GAL3ST3: variants seen among roughly 807,000 people sequenced by gnomAD.
GAL3ST3 encodes the protein beta-galactose-3-O-sulfotransferase 3.
GAL3ST3 carries 21 observed loss-of-function variants against 20.8 expected under a neutral mutation model. The ratio of observed to expected loss-of-function variants is 1.01; its 90% CI spans 0.72 to 1.45. GAL3ST3 has a LOEUF of 1.45. GAL3ST3 is among the 40% of genes most tolerant of loss of function. The probability of loss-of-function intolerance (pLI) is 0.00; values close to 1 mark genes in which losing one functional copy is unlikely to be tolerated. For synonymous variants in GAL3ST3, 355 were observed against 307.2 expected, an observed-to-expected ratio of 1.16 and a Z score of -1.63; for missense variants, 739 against 662.7, an observed-to-expected ratio of 1.12 and a Z score of -1.26.
chr11:66,043,959 T>G (rs1856753755), intron 2 of GAL3ST3, among the ~76,000 whole-genome samples: 1 of 152,196 alleles, frequency 6.6e-6, no homozygotes, highest in Non-Finnish European at 1.5e-5. Flanking sequence ...ATGTCACTTC[T>G]TAAATTTCAT....
chr11:66,043,561 T>C lies in GAL3ST3; in HGVS notation c.242A>G (p.Asn81Ser). 6.2e-7 allele frequency: 1 copy of C among 1,612,146 alleles called. No individual in the cohort carries two copies. The highest frequency in any genetic ancestry group is 8.5e-7 in the Non-Finnish European group (1 of 1,179,910). The change falls in exon 3 of 3, where the codon AAC (asparagine) becomes AGC (serine). Residue 81 changes from asparagine to serine, a missense_variant. Asn to Ser is a conservative substitution (Grantham distance 46, BLOSUM62 1). Transcript: ENST00000312006. ...THKTAGTTVQ[N>S]ILFRFAERHN... ...GCGCTCGGCAAAGCGAAACAGGATG[T>C]TCTGCACCGTCGTGCCTGCCGTCTT...
Position 66,045,442 on chromosome 11 carries a change from C to G in GAL3ST3, c.-27G>C. 6.4e-7 allele frequency: 1 copy of G among 1,562,140 alleles called. No individual in the cohort carries two copies. The highest frequency in any genetic ancestry group is 8.7e-7 in the Non-Finnish European group (1 of 1,153,864). On this transcript the variant is annotated 5_prime_UTR_variant, in exon 2 of 3. Coordinates refer to ENST00000312006, the MANE Select transcript of GAL3ST3 (RefSeq NM_033036.3). ...GCGGAGTACCCACCCCTGGACCAGC[C>G]AGGGCCTCACTATCCAGGACTCCCT...
chr11:66,047,445 A>T (rs1856793256), intron 1 of GAL3ST3, among the ~76,000 whole-genome samples: 2 of 152,224 alleles, frequency 1.3e-5, no homozygotes, highest in South Asian at 4.1e-4. Flanking sequence ...GCACAGAGAG[A>T]GTGACAGGTG....
rs2135017129 is a variant in GAL3ST3, at chr11:66,042,310, A to G, written c.*197T>C. On this transcript the variant is annotated 3_prime_UTR_variant, in exon 3 of 3. Transcript: ENST00000312006. The stretch of plus-strand genomic sequence containing the variant: ...GGCCCAGCGCTGGATCCAGCCTATC[A>G]GCGCCGTGCCCGAAGGCAAGGTTCA... 3.8e-6 allele frequency: 2 copies of G among 530,206 alleles called. No homozygotes were observed. Among genetic ancestry groups the G allele is most frequent in the South Asian group, 5.6e-5 (2 of 35,412 alleles). 32.8% of individuals were successfully genotyped at this position (530,206 alleles called of 1,614,324 possible).
intron 1 of GAL3ST3, among the ~76,000 whole-genome samples, chr11:66,048,166 C>G (rs1396000835): frequency 6.6e-6 from 1 of 152,168 alleles, no homozygotes; most frequent in Non-Finnish European, 1.5e-5. Flanking sequence ...GGTGTCTTCT[C>G]CATAGAGAGA....
intron 2 of GAL3ST3, among the ~76,000 whole-genome samples, chr11:66,043,887 C>T (rs1856752997): frequency 6.6e-6 from 1 of 152,214 alleles, no homozygotes; most frequent in Non-Finnish European, 1.5e-5. Context: ...GTATTCCCCT[C>T]ACCTGAGTTA....
At position 66,045,392 on chromosome 11, in the gene GAL3ST3, C is replaced by G. The variant is rs771089294; in HGVS notation, c.24G>C (p.Leu8=). The part of the protein sequence containing the change: MPPILQR[L]QQATKMMSRR... ...GGCTCATCATCTTGGTGGCCTGCTG[C>G]AGGCGCTGGAGGATGGGTGGCATGG... The change falls in exon 2 of 3, where the codon CTG becomes CTC. Residue 8 remains leucine (L), a synonymous_variant. Transcript: ENST00000312006. 11 of 1,602,976 alleles carry G rather than the reference C, an allele frequency of 6.9e-6. No homozygotes were observed. The highest frequency in any genetic ancestry group is 1.3e-5 in the African/African-American group (1 of 74,464).
Position 66,042,764 on chromosome 11 carries a change from G to C in GAL3ST3, c.1039C>G (p.Gln347Glu). The C allele has an allele frequency of 7.9e-6, 12 of 1,522,040 alleles. No homozygotes were observed. The highest frequency in any genetic ancestry group is 1.1e-5 in the Non-Finnish European group (12 of 1,141,606). The allele number at this position is 1,522,040 out of a possible 1,614,324, so 94.3% of individuals were successfully genotyped here. ...GGCTGCAGCTGCTTGGTGCGGATCT[G>C]CGCGGCAGGCCGCAGCAGTGGCTCG... ...GDEPLLRPAA[Q>E]IRTKQLQPWQ... is the part of the protein sequence containing the mutation. The change falls in exon 3 of 3, where the codon CAG becomes GAG. Residue 347 changes from glutamine (Q) to glutamate (E), a missense_variant. By Grantham distance (29) the Gln-to-Glu change is conservative (BLOSUM62 2). Coordinates refer to ENST00000312006, the MANE Select transcript of GAL3ST3 (RefSeq NM_033036.3).
rs1315875839 is a variant in GAL3ST3, at chr11:66,042,766, G to A, written c.1037C>T (p.Ala346Val). ...CTGCAGCTGCTTGGTGCGGATCTGC[G>A]CGGCAGGCCGCAGCAGTGGCTCGTC... ...FGDEPLLRPAAQIRTKQLQPW... is the reference protein window; with the variant it reads ...FGDEPLLRPAVQIRTKQLQPW... Residue 346 changes from alanine to valine, a missense_variant, in exon 3 of 3, where the codon GCG (alanine) becomes GTG (valine). Ala to Val is a moderately conservative substitution (Grantham distance 64). Coordinates refer to ENST00000312006, the MANE Select transcript of GAL3ST3 (RefSeq NM_033036.3). The A allele has an allele frequency of 7.2e-6, 11 of 1,519,726 alleles. No homozygotes were observed. In the East Asian group the frequency reaches 2.5e-4, roughly 35 times the overall value. 94.1% of individuals were successfully genotyped at this position (1,519,726 alleles called of 1,614,324 possible). A position where few individuals can be genotyped will look rare whatever the true frequency, so the allele number is the denominator to read the frequency against.
In GAL3ST3 at chr11:66,043,451, GGT is replaced by G. The variant is rs1274244299; in HGVS notation, c.350_351del (p.His117ProfsTer97). The part of the protein sequence containing the change: ...YPRNFSAHFV[H>X]PATRPPHVLA... ...AGCACGTGCGGCGGCCGCGTGGCCG[GGT>G]GCACGAAGTGCGCCGAGAAGTTGCG... On this transcript the variant is annotated frameshift_variant, in exon 3 of 3. Transcript: ENST00000312006. LOFTEE classifies it high-confidence loss of function. 10 of 1,609,456 alleles carry G rather than the reference GGT, an allele frequency of 6.2e-6. No homozygotes were observed. In the African/African-American group the frequency reaches 1.3e-4, roughly 22 times the overall value.
At position 66,043,560 on chromosome 11, in the gene GAL3ST3, G is replaced by A. The variant is rs1278930320; in HGVS notation, c.243C>T (p.Asn81=). Residue 81 remains asparagine (N), a synonymous_variant, in exon 3 of 3, where the codon AAC becomes AAT. Coordinates refer to ENST00000312006, the MANE Select transcript of GAL3ST3 (RefSeq NM_033036.3). ...THKTAGTTVQ[N]ILFRFAERHN... ...GGCGCTCGGCAAAGCGAAACAGGAT[G>A]TTCTGCACCGTCGTGCCTGCCGTCT... is the stretch of plus-strand genomic sequence containing the variant. 3 of 1,612,110 alleles carry A rather than the reference G, an allele frequency of 1.9e-6. No homozygotes were observed. The highest frequency in any genetic ancestry group is 1.1e-5 in the South Asian group (1 of 91,086).
intron 1 of GAL3ST3, among the ~76,000 whole-genome samples, chr11:66,048,550 G>A (rs1056767156): frequency 9.9e-5 from 15 of 152,102 alleles, no homozygotes; most frequent in Non-Finnish European, 2.1e-4. Flanking sequence ...TGCTCCAGAG[G>A]AGGGGCGAAG....
At chr11:66,043,992 A>C (rs1014487626) in intron 2 of GAL3ST3, among the ~76,000 whole-genome samples, 1 of 152,202 alleles carries the variant, frequency 6.6e-6, no homozygotes, top group African/African-American at 2.4e-5. Flanking sequence ...GTGGCTGGCT[A>C]GTATCTTGGT....
At position 66,041,716 on chromosome 11, in the gene GAL3ST3, A is replaced by C. The variant is rs1856706307; in HGVS notation, c.*791T>G. 6.6e-6 allele frequency among the ~76,000 whole-genome samples: 1 copy of C among 152,226 alleles called. No homozygotes were observed. Among genetic ancestry groups the C allele is most frequent in the African/African-American group, 2.4e-5 (1 of 41,444 alleles). ...AAGTTACAGAGATGATGCTCAGTAAATGTCGCAGAATTTTGTGAAAAAGAA... is the reference window on the plus strand; with the variant it reads ...AAGTTACAGAGATGATGCTCAGTAACTGTCGCAGAATTTTGTGAAAAAGAA... On this transcript the variant is annotated 3_prime_UTR_variant, in exon 3 of 3. Transcript: ENST00000312006.
At position 66,043,737 on chromosome 11, in the gene GAL3ST3, G is replaced by T. The variant is rs4930170; in HGVS notation, c.126-60C>A. The T allele has an allele frequency of 0.53, 768,473 of 1,439,412 alleles. 212,555 individuals are homozygous for T. The highest frequency in any genetic ancestry group is 0.7 in the South Asian group (52,554 of 75,152). 89.2% of individuals were successfully genotyped at this position (1,439,412 alleles called of 1,614,324 possible). A position where few individuals can be genotyped will look rare whatever the true frequency, so the allele number is the denominator to read the frequency against. ...GTGAGGGGGCTGCCGCTTGACCCCT[G>T]CCCTTACCCAAGGACTGTGGGATGC... is the stretch of plus-strand genomic sequence containing the variant. On this transcript the variant is annotated intron_variant, in intron 2 of 2. Transcript: ENST00000312006.
At chr11:66,046,345 G>T (rs556868709) in intron 1 of GAL3ST3, among the ~76,000 whole-genome samples, 1 of 152,186 alleles carries the variant, frequency 6.6e-6, no homozygotes, top group Non-Finnish European at 1.5e-5. Context: ...CCTGCCCTGA[G>T]GGCCCAAGAC....
Position 66,043,670 on chromosome 11 carries a change from T to G in GAL3ST3, c.133A>C (p.Lys45Gln), listed in dbSNP as rs779780161. The change falls in exon 3 of 3, where the codon AAG becomes CAG. Residue 45 changes from lysine to glutamine, a missense_variant. Transcript: ENST00000312006. Reference protein sequence around the residue: ...HQGAQLSWYPKLFPLSCPPLR... With the variant: ...HQGAQLSWYPQLFPLSCPPLR... ...GGAGGGCAGCTCAAGGGGAACAGCT[T>G]GGGGTACCTGCCAGGCCCAGGGAGT... 6.2e-7 allele frequency: 1 copy of G among 1,601,642 alleles called. No homozygotes were observed. Among genetic ancestry groups the G allele is most frequent in the Non-Finnish European group, 8.5e-7 (1 of 1,172,212 alleles).
rs1342053795 is a variant in GAL3ST3, at chr11:66,042,681, G to A, written c.1122C>T (p.Ala374=). ...IMGYDLPGGG[A]GPATEACLKL... Reference sequence around the variant, plus strand: ...TGAGGCAGGCCTCGGTGGCCGGGCCGGCGCCGCCGCCGGGCAGGTCATAGC... The same window carrying A: ...TGAGGCAGGCCTCGGTGGCCGGGCCAGCGCCGCCGCCGGGCAGGTCATAGC... The change falls in exon 3 of 3, where the codon GCC becomes GCT. Residue 374 remains alanine (A), a synonymous_variant. Transcript: ENST00000312006. The A allele has an allele frequency of 5.2e-6, 8 of 1,534,194 alleles. No homozygotes were observed. The East Asian group carries it at 1.7e-4, about 33-fold the overall frequency.
rs1471982255 is a variant in GAL3ST3 at position 66,042,638 on chromosome 11, C to T, written c.1165G>A (p.Val389Ile). Residue 389 changes from valine to isoleucine, a missense_variant, in exon 3 of 3, where the codon GTC (valine) becomes ATC (isoleucine). Physicochemically the swap from Val to Ile is conservative, Grantham distance 29. Transcript: ENST00000312006. ...CGCAACAGGTAGTTCGAGTACTGGA[C>T]CTCGGGCATGGCCAGCTTGAGGCAG... The part of the protein sequence containing the change: ...EACLKLAMPE[V>I]QYSNYLLRKQ... 3 of 1,536,124 alleles carry T rather than the reference C, an allele frequency of 2.0e-6. No homozygotes were observed. The highest frequency in any genetic ancestry group is 3.9e-5 in the Admixed American group (2 of 50,970).
Sources: gnomAD v4.1 joint callset for allele counts (sites outside exome capture counted in the v4.1 genomes callset) on GRCh38, gnomAD v4.1.1 for gene constraint, MANE v1.5 for transcripts, NCBI Gene and HGNC (gene_info 2026-07-23, HGNC 2026-07-21) for gene names.